The following COLGALT2 variants were observed in gnomAD, a reference collection of about 807,000 sequenced individuals.
The protein encoded by COLGALT2 is procollagen galactosyltransferase 2.
In COLGALT2, 49 loss-of-function variants were observed where a neutral mutation model predicts 73.4. The ratio of observed to expected loss-of-function variants is 0.67; its 90% CI spans 0.53 to 0.85. The LOEUF is 0.85. COLGALT2 is among the 40% of genes least tolerant of loss of function. COLGALT2 has a pLI of 0.00. For missense variants in COLGALT2, 722 were observed against 790.2 expected (o/e 0.91, Z 1.03); for synonymous variants, 295 against 307.6 (o/e 0.96, Z 0.43).
chr1:184,003,324 A>C (rs1172385718), intron 1 of COLGALT2, among the ~76,000 whole-genome samples: 1 of 152,124 alleles, frequency 6.6e-6, no homozygotes, highest in South Asian at 2.1e-4. Flanking sequence ...AAAAAGACTC[A>C]TGACTGGAGT....
rs550771674 is a variant in COLGALT2 at position 184,030,641 on chromosome 1, T to G, written c.263+6454A>C. ...ACAAGGCATTCATTGTTCATTCCTA[T>G]GACCACCAGAAACAGACAAGCAAAA... On this transcript the variant is annotated intron_variant, in intron 1 of 11. Coordinates refer to ENST00000361927, the MANE Select transcript of COLGALT2 (RefSeq NM_015101.4). 1.2e-3 allele frequency among the ~76,000 whole-genome samples: 176 copies of G among 152,274 alleles called. 3 individuals carry two copies. The highest frequency in any genetic ancestry group is 4.2e-3 in the African/African-American group (174 of 41,552).
chr1:184,015,349 C>T lies in COLGALT2; in HGVS notation c.263+21746G>A, dbSNP rs1003384239. 5.3e-5 allele frequency among the ~76,000 whole-genome samples: 8 copies of T among 152,288 alleles called. No individual in the cohort carries two copies. In the East Asian group the frequency reaches 1.5e-3, roughly 29 times the overall value. On this transcript the variant is annotated intron_variant, in intron 1 of 11. Transcript: ENST00000361927. ...TAGGTCTGGCTACCATGACCAGGTG[C>T]TCTAACCAACGTTGCCAACCTCATC...
At chr1:184,034,427 C>T (rs545702365) in intron 1 of COLGALT2, among the ~76,000 whole-genome samples, 1 of 152,150 alleles carries the variant, frequency 6.6e-6, no homozygotes, top group Non-Finnish European at 1.5e-5. Flanking sequence ...CATATCCATA[C>T]AACTGCCCCA....
At chr1:183,932,392 G>A (rs1389055810), downstream of COLGALT2, among the ~76,000 whole-genome samples, 1 of 151,886 alleles carries the variant, frequency 6.6e-6, no homozygotes, top group East Asian at 1.9e-4. Context: ...TCACTTTGGT[G>A]CATGATACAA....
At chr1:183,960,371 C>A (rs1670666785) in intron 6 of COLGALT2, among the ~76,000 whole-genome samples, 2 of 152,218 alleles carry the variant, frequency 1.3e-5, no homozygotes, top group South Asian at 4.1e-4. Flanking sequence ...TGTACCCAAG[C>A]TTAGCCTAAG....
At chr1:183,978,924 G>A (rs1168452248) in intron 1 of COLGALT2, among the ~76,000 whole-genome samples, 1 of 152,144 alleles carries the variant, frequency 6.6e-6, no homozygotes, top group African/African-American at 2.4e-5. Flanking sequence ...CATTAACAAT[G>A]ACCCTCAATT....
Position 184,037,223 on chromosome 1 carries a change from GA to G in COLGALT2, c.134del (p.Phe45SerfsTer62), listed in dbSNP as rs866629769. On this transcript the variant is annotated frameshift_variant, in exon 1 of 12. Coordinates refer to ENST00000361927, the MANE Select transcript of COLGALT2 (RefSeq NM_015101.4). LOFTEE classifies it high-confidence loss of function. The part of the protein sequence containing the change: ...SEDDGEEPVV[F>X]PESPLQSPTV... ...TGGGGCTCTGCAGGGGCGACTCCGG[GA>G]AAACCACCGGCTCCTCTCCGTCGTC... 14 of 1,599,808 alleles carry G rather than the reference GA, an allele frequency of 8.8e-6. No individual in the cohort carries two copies. The highest frequency in any genetic ancestry group is 1.3e-5 in the African/African-American group (1 of 74,378).
chr1:183,938,605 T>C lies in COLGALT2; in HGVS notation c.*156A>G. The C allele has an allele frequency of 1.4e-6, 2 of 1,426,200 alleles. No homozygotes were observed. The highest frequency in any genetic ancestry group is 1.8e-6 in the Non-Finnish European group (2 of 1,088,650). 88.3% of individuals were successfully genotyped at this position (1,426,200 alleles called of 1,614,324 possible). ...CCTTATTTCCTTCCATGGTCAAAAA[T>C]ATGTTAATTTCGATCTATCACACTA... On this transcript the variant is annotated 3_prime_UTR_variant, in exon 12 of 12. Coordinates refer to ENST00000361927, the MANE Select transcript of COLGALT2 (RefSeq NM_015101.4).
chr1:183,958,801 A>T (rs1670620299), intron 6 of COLGALT2, among the ~76,000 whole-genome samples: 1 of 150,314 alleles, frequency 6.7e-6, no homozygotes, highest in South Asian at 2.1e-4. Flanking sequence ...CATCATCAAG[A>T]TCTCCTTATA....
At chr1:183,984,985 C>T (rs1173794162) in intron 1 of COLGALT2, among the ~76,000 whole-genome samples, 1 of 150,520 alleles carries the variant, frequency 6.6e-6, no homozygotes, top group Non-Finnish European at 1.5e-5. Context: ...GGATGAGACG[C>T]TTTACTGCTT....
At chr1:183,934,000 C>A (rs942952636), downstream of COLGALT2, among the ~76,000 whole-genome samples, 8 of 152,300 alleles carry the variant, frequency 5.3e-5, no homozygotes, top group Admixed American at 3.9e-4. Flanking sequence ...GGCTACTGAA[C>A]AAAGATCAGC....
At chr1:183,939,095 G>A in intron 11 of COLGALT2, 58 bp from the exon 12 acceptor site, 1 of 1,336,116 alleles carries the variant, frequency 7.5e-7, no homozygotes, top group Non-Finnish European at 1.1e-6. Context: ...TTACGGAACA[G>A]GGACAAAGAG....
At chr1:184,004,452 T>C (rs912663756) in intron 1 of COLGALT2, among the ~76,000 whole-genome samples, 2 of 152,242 alleles carry the variant, frequency 1.3e-5, no homozygotes, top group Non-Finnish European at 1.5e-5. Flanking sequence ...ATCTACATCT[T>C]TAACTGTGTT....
intron 8 of COLGALT2, among the ~76,000 whole-genome samples, chr1:183,949,673 A>T (rs570929512): frequency 6.6e-6 from 1 of 152,360 alleles, no homozygotes; most frequent in East Asian, 1.9e-4. Context: ...TGAAATTGAC[A>T]ATGGATTCTT....
intron 1 of COLGALT2, 127 bp from the exon 2 acceptor site, chr1:183,978,647 T>G (rs928357338): frequency 3.6e-6 from 2 of 559,858 alleles, no homozygotes; most frequent in African/African-American, 3.9e-5. Flanking sequence ...TATATGAAAA[T>G]AATTCCCTCA....
chr1:184,018,419 T>C (rs895648946), intron 1 of COLGALT2, among the ~76,000 whole-genome samples: 2 of 152,214 alleles, frequency 1.3e-5, no homozygotes, highest in Non-Finnish European at 2.9e-5. Flanking sequence ...ATGTTTCTTT[T>C]CTAGTATTAA....
At chr1:183,996,493 T>G (rs1671773164) in intron 1 of COLGALT2, among the ~76,000 whole-genome samples, 1 of 152,170 alleles carries the variant, frequency 6.6e-6, no homozygotes, top group Non-Finnish European at 1.5e-5. Flanking sequence ...GCTCAAAACA[T>G]TTTTTGGACT....
intron 5 of COLGALT2, among the ~76,000 whole-genome samples, chr1:183,965,943 A>G (rs1472927927): frequency 6.6e-6 from 1 of 152,234 alleles, no homozygotes; most frequent in Non-Finnish European, 1.5e-5. Context: ...AGAGGGCAAA[A>G]AGGAAGAAAA....
chr1:183,972,757 T>C (rs960602642), intron 4 of COLGALT2, among the ~76,000 whole-genome samples: 1 of 152,006 alleles, frequency 6.6e-6, no homozygotes, highest in Non-Finnish European at 1.5e-5. Context: ...TGGAGCGCAG[T>C]GGCGCGACCT....
Sources: allele counts gnomAD v4.1 joint callset (sites outside exome capture counted in the v4.1 genomes callset), GRCh38; gene constraint gnomAD v4.1.1; transcripts MANE v1.5; gene names NCBI Gene and HGNC (gene_info 2026-07-23, HGNC 2026-07-21).